The following ANO9 variants were observed in gnomAD, a reference collection of about 807,000 sequenced individuals.
ANO9 encodes the protein anoctamin 9.
ANO9 carries 80 observed loss-of-function variants against 100.5 expected under a neutral mutation model. The observed-to-expected ratio is 0.80, with a 90% confidence interval of 0.66 to 0.96. ANO9 has a LOEUF of 0.96. ANO9 is among the 40% of genes least tolerant of loss of function. ANO9 has a pLI of 0.00. For missense variants in ANO9, 1,064 were observed against 1,072.7 expected, an observed-to-expected ratio of 0.99 and a Z score of 0.11; for synonymous variants, 473 against 435.6, an observed-to-expected ratio of 1.09 and a Z score of -1.07.
chr11:426,845 G>A (rs540125955), intron 15 of ANO9, among the ~76,000 whole-genome samples: 14 of 152,290 alleles, frequency 9.2e-5, no homozygotes, highest in South Asian at 2.1e-4. Context: ...CCCCTCAGGA[G>A]GACTAGAAGC....
In ANO9 at chr11:437,048, G is replaced by A. The variant is rs550361598; in HGVS notation, c.7-2950C>T. Among the ~76,000 whole-genome samples, 470 of 132,356 alleles carry A rather than the reference G, an allele frequency of 3.6e-3. 27 individuals are homozygous for A. Among genetic ancestry groups the A allele is most frequent in the African/African-American group, 0.013 (454 of 35,212 alleles). The allele number at this position is 132,356 out of a possible 152,430, so 86.8% of individuals were successfully genotyped here. A position where few individuals can be genotyped will look rare whatever the true frequency, so the allele number is the denominator to read the frequency against. Reference sequence around the variant, plus strand: ...AGCGGGGGGTGAGCGGGGGGTGCGTGGGGGGTGAGCTGGGGGTGAATGTTC... The same window carrying A: ...AGCGGGGGGTGAGCGGGGGGTGCGTAGGGGGTGAGCTGGGGGTGAATGTTC... On this transcript the variant is annotated intron_variant, in intron 1 of 22. Coordinates refer to ENST00000332826, the MANE Select transcript of ANO9 (RefSeq NM_001012302.3).
At chr11:418,856 A>T (rs371131273) in intron 21 of ANO9, 32 bp downstream of exon 21, 1 of 1,613,586 alleles carries the variant, frequency 6.2e-7, no homozygotes, top group South Asian at 1.1e-5. Flanking sequence ...AGGAGTTCAG[A>T]GGGCATTCTT....
intron 1 of ANO9, among the ~76,000 whole-genome samples, 186 bp from the exon 2 acceptor site, chr11:434,284 G>A (rs370845368): frequency 2.0e-5 from 3 of 152,200 alleles, no homozygotes; most frequent in African/African-American, 4.8e-5. Flanking sequence ...ACAAACAACC[G>A]ACGAAGGACT....
At position 421,302 on chromosome 11, in the gene ANO9, G is replaced by A. The variant is rs1848168705; in HGVS notation, c.1335-104C>T. ...GGTAGGAAAGACACAGAACAGGCGG[G>A]GCAGGCCCTGCAGGTGAGCGGGGCA... On this transcript the variant is annotated intron_variant, in intron 15 of 22. Transcript: ENST00000332826. The surrounding 1 kb of genome is among the most constrained non-coding windows in gnomAD (Gnocchi z 6.8). 7.9e-7 allele frequency: 1 copy of A among 1,273,698 alleles called. No individual in the cohort carries two copies. Among genetic ancestry groups the A allele is most frequent in the Non-Finnish European group, 1.0e-6 (1 of 955,792 alleles). The allele number at this position is 1,273,698 out of a possible 1,614,324, so 78.9% of individuals were successfully genotyped here.
chr11:429,640 A>C lies in ANO9; in HGVS notation c.845T>G (p.Leu282Arg). 1 of 1,612,592 alleles carries C rather than the reference A, an allele frequency of 6.2e-7. No individual in the cohort carries two copies. Among genetic ancestry groups the C allele is most frequent in the Non-Finnish European group, 8.5e-7 (1 of 1,179,858 alleles). Residue 282 changes from leucine (L) to arginine (R), a missense_variant, in exon 11 of 23, where the codon CTG becomes CGG. Physicochemically the swap from Leu to Arg is moderately radical, Grantham distance 102. Coordinates refer to ENST00000332826, the MANE Select transcript of ANO9 (RefSeq NM_001012302.3). ...GGCGCGCTGCCGCTTCCAGATCTCC[A>C]GGAACACCGTGGCTGCGGCGGGGGC... ...IFMALWATVFLEIWKRQRARV... is the reference protein window; with the variant it reads ...IFMALWATVFREIWKRQRARV...
At chr11:434,145 G>C (rs1274426137) in intron 1 of ANO9, 47 bp from the exon 2 acceptor site, 2 of 1,540,518 alleles carry the variant, frequency 1.3e-6, no homozygotes, top group Admixed American at 2.0e-5. Flanking sequence ...GTGATTGGGG[G>C]CTAGATGCCC....
At chr11:429,534 G>C (rs202000265) in intron 11 of ANO9, 36 bp downstream of exon 11, 10 of 1,609,636 alleles carry the variant, frequency 6.2e-6, no homozygotes, top group Non-Finnish European at 8.5e-6. Flanking sequence ...GCCCCTGCTC[G>C]GGTCGGCCTC....
rs1848762754 is a variant in ANO9, at chr11:429,636, C to T, written c.849G>A (p.Glu283=). 3 of 1,612,632 alleles carry T rather than the reference C, an allele frequency of 1.9e-6. No homozygotes were observed. Among genetic ancestry groups the T allele is most frequent in the Non-Finnish European group, 2.5e-6 (3 of 1,179,878 alleles). The change falls in exon 11 of 23, where the codon GAG becomes GAA. Residue 283 remains glutamate, a synonymous_variant. Transcript: ENST00000332826. The part of the protein sequence containing the change: ...FMALWATVFL[E]IWKRQRARVV... ...CGCGGGCGCGCTGCCGCTTCCAGAT[C>T]TCCAGGAACACCGTGGCTGCGGCGG...
chr11:437,544 G>A (rs1194745123), intron 1 of ANO9, among the ~76,000 whole-genome samples: 1 of 152,242 alleles, frequency 6.6e-6, no homozygotes, highest in Non-Finnish European at 1.5e-5. Flanking sequence ...ACAGATACCT[G>A]CACTCAGGCG....
In ANO9 at chr11:418,700, C is replaced by A. The variant is rs771472880; in HGVS notation, c.2130+20G>T. 3.1e-6 allele frequency: 5 copies of A among 1,612,668 alleles called. No homozygotes were observed. On this transcript the variant is annotated intron_variant, in intron 22 of 22. Coordinates refer to ENST00000332826, the MANE Select transcript of ANO9 (RefSeq NM_001012302.3). ...GCACTGCCCAGACCCACTCCGAGGCCTCTCCCGGTTCTGGCTCACCTCAAA... is the reference window on the plus strand; with the variant it reads ...GCACTGCCCAGACCCACTCCGAGGCATCTCCCGGTTCTGGCTCACCTCAAA...
rs1185531023 is a variant in ANO9 at position 421,441 on chromosome 11, GCA to G, written c.1335-245_1335-244del. The stretch of plus-strand genomic sequence containing the variant: ...GAACCGCACCCACACGTGGGCGCGC[GCA>G]CACACACACACACCCCCACACAGGG... On this transcript the variant is annotated intron_variant, in intron 15 of 22. Coordinates refer to ENST00000332826, the MANE Select transcript of ANO9 (RefSeq NM_001012302.3). This position sits in a 1 kb window ranked among gnomAD's most constrained non-coding sequence, Gnocchi z 6.8. Among the ~76,000 whole-genome samples the G allele has an allele frequency of 8.1e-6, 1 of 124,032 alleles. No homozygotes were observed. Among genetic ancestry groups the G allele is most frequent in the Admixed American group, 8.0e-5 (1 of 12,534 alleles). 81.4% of individuals were successfully genotyped at this position (124,032 alleles called of 152,430 possible).
rs373207889 is a variant in ANO9, at chr11:430,069, C to G, written c.771+14G>C. 449 of 1,548,956 alleles carry G rather than the reference C, an allele frequency of 2.9e-4. No individual in the cohort carries two copies. The highest frequency in any genetic ancestry group is 2.6e-3 in the Middle Eastern group (14 of 5,426). On this transcript the variant is annotated intron_variant, in intron 9 of 22. Coordinates refer to ENST00000332826, the MANE Select transcript of ANO9 (RefSeq NM_001012302.3). ...TCTTCCGCAGGCCCTGGGGTGGACC[C>G]GGAGGCGACAAACCTTGGCAAAAGT... is the stretch of plus-strand genomic sequence containing the variant.
At position 421,877 on chromosome 11, in the gene ANO9, A is replaced by G. The variant is rs1301662251; in HGVS notation, c.1335-679T>C. Among the ~76,000 whole-genome samples, 1 of 152,262 alleles carries G rather than the reference A, an allele frequency of 6.6e-6. No homozygotes were observed. The highest frequency in any genetic ancestry group is 2.4e-5 in the African/African-American group (1 of 41,466). Reference sequence around the variant, plus strand: ...AGCATTCCTATTGTAGCTCACGACAACTGGTATTTAACACGGTTCTGGAAT... The same window carrying G: ...AGCATTCCTATTGTAGCTCACGACAGCTGGTATTTAACACGGTTCTGGAAT... On this transcript the variant is annotated intron_variant, in intron 15 of 22. Transcript: ENST00000332826. The surrounding 1 kb of genome is among the most constrained non-coding windows in gnomAD (Gnocchi z 6.8).
At position 429,544 on chromosome 11, in the gene ANO9, C is replaced by T. The variant is rs1251558678; in HGVS notation, c.915+26G>A. 8 of 1,611,322 alleles carry T rather than the reference C, an allele frequency of 5.0e-6. No individual in the cohort carries two copies. The East Asian group carries it at 8.9e-5, about 18-fold the overall frequency. Reference sequence around the variant, plus strand: ...CAACAGCCCCTGCTCGGGTCGGCCTCAGCTGCGCTGCCAGCTCCACCTCAC... The same window carrying T: ...CAACAGCCCCTGCTCGGGTCGGCCTTAGCTGCGCTGCCAGCTCCACCTCAC... On this transcript the variant is annotated intron_variant, in intron 11 of 22. Coordinates refer to ENST00000332826, the MANE Select transcript of ANO9 (RefSeq NM_001012302.3).
Position 431,678 on chromosome 11 carries a change from C to T in ANO9, c.539+16G>A, listed in dbSNP as rs755935430. On this transcript the variant is annotated intron_variant, in intron 7 of 22. Transcript: ENST00000332826. ...GCCGTCCGCGGGGTTCCTGTGCTCT[C>T]TTTGGGCAGCGTTACCTGATTTCAT... is the stretch of plus-strand genomic sequence containing the variant. 3 of 1,611,826 alleles carry T rather than the reference C, an allele frequency of 1.9e-6. No homozygotes were observed. The highest frequency in any genetic ancestry group is 2.2e-5 in the East Asian group (1 of 44,876).
At chr11:439,283 C>T (rs1845649177) in intron 1 of ANO9, among the ~76,000 whole-genome samples, 1 of 152,232 alleles carries the variant, frequency 6.6e-6, no homozygotes, top group South Asian at 2.1e-4. Context: ...TGGGCAAGCC[C>T]CTGGTTCCCA....
chr11:434,562 T>C (rs1399021003), intron 1 of ANO9, among the ~76,000 whole-genome samples: 2 of 152,062 alleles, frequency 1.3e-5, no homozygotes, highest in African/African-American at 2.4e-5. Flanking sequence ...AATTGAACGC[T>C]CCCAACCCCT....
Position 419,085 on chromosome 11 carries a change from G to C in ANO9, c.1935-96C>G, listed in dbSNP as rs2133674224. On this transcript the variant is annotated intron_variant, in intron 20 of 22. Coordinates refer to ENST00000332826, the MANE Select transcript of ANO9 (RefSeq NM_001012302.3). ...TCTAGCCTGCGTTGTGGAGCAAACA[G>C]TGAGGTGGGGGCCACGCCACAGACT... The C allele has an allele frequency of 2.5e-6, 4 of 1,578,036 alleles. No individual in the cohort carries two copies. The East Asian group carries it at 9.0e-5, about 36-fold the overall frequency.
intron 19 of ANO9, chr11:420,181 C>T: frequency 7.2e-7 from 1 of 1,387,822 alleles, no homozygotes; most frequent in Non-Finnish European, 9.3e-7. Context: ...CTGTTCCAGC[C>T]CCAGCCACTG....
Sources: gnomAD v4.1 joint callset for allele counts (sites outside exome capture counted in the v4.1 genomes callset) on GRCh38, gnomAD v4.1.1 for gene constraint, Gnocchi (gnomAD v3.1) non-coding constraint, MANE v1.5 for transcripts, NCBI Gene and HGNC (gene_info 2026-07-23, HGNC 2026-07-21) for gene names.